BTRC: variants seen among roughly 807,000 people sequenced by gnomAD.
BTRC encodes the protein F-box/WD repeat-containing protein 1A.
A neutral mutation model predicts 85.5 loss-of-function variants in BTRC; 42 were observed. That is an observed-to-expected ratio of 0.49 (90% confidence interval 0.38 to 0.64). BTRC has a LOEUF of 0.64. Ranked by LOEUF, BTRC falls within the 30% of genes least tolerant of loss-of-function variation. The probability of loss-of-function intolerance (pLI) is 0.00; values close to 1 mark genes in which losing one functional copy is unlikely to be tolerated. For synonymous variants in BTRC, 255 were observed against 263.3 expected (o/e 0.97, Z 0.30); for missense variants, 594 against 743.5 (o/e 0.80, Z 2.34).
chr10:101,522,127 A>C (rs890757030), intron 5 of BTRC, among the ~76,000 whole-genome samples: 1 of 127,848 alleles, frequency 7.8e-6, no homozygotes, highest in African/African-American at 3.0e-5. Flanking sequence ...TGCAAGCTCC[A>C]CCTCCCGGCT....
intron 4 of BTRC, among the ~76,000 whole-genome samples, chr10:101,498,655 A>C (rs758361080): frequency 1.3e-5 from 2 of 152,152 alleles, no homozygotes; most frequent in Non-Finnish European, 2.9e-5. Flanking sequence ...GGCACGTCCT[A>C]ATACAGCCTG....
intron 4 of BTRC, among the ~76,000 whole-genome samples, chr10:101,513,882 C>T (rs868240085): frequency 2.0e-5 from 3 of 152,202 alleles, no homozygotes; most frequent in Non-Finnish European, 4.4e-5. Context: ...TACCATTAAA[C>T]GTGACTGCCA....
Position 101,475,942 on chromosome 10 carries a change from TATATATATATA to T in BTRC, c.235-3425_235-3415del, listed in dbSNP as rs1564795635. Among the ~76,000 whole-genome samples the T allele has an allele frequency of 5.4e-5, 7 of 129,818 alleles. 1 individual carries two copies. Among genetic ancestry groups the T allele is most frequent in the African/African-American group, 2.0e-4 (7 of 35,682 alleles). 85.2% of individuals were successfully genotyped at this position (129,818 alleles called of 152,430 possible). On this transcript the variant is annotated intron_variant, in intron 3 of 14. Transcript: ENST00000370187. ...TTTGCCATATATATATATATATATA[TATATATATATA>T]TTCAGTAATTCCTAAGGGGAAAATA...
chr10:101,437,017 A>G (rs568883062), intron 2 of BTRC, among the ~76,000 whole-genome samples: 2 of 152,330 alleles, frequency 1.3e-5, no homozygotes, highest in East Asian at 1.9e-4. Flanking sequence ...AAACAATACC[A>G]TAAGGAAAAT....
intron 1 of BTRC, among the ~76,000 whole-genome samples, chr10:101,361,351 C>A (rs1338757045): frequency 2.0e-5 from 3 of 152,212 alleles, no homozygotes; most frequent in Admixed American, 6.5e-5. Flanking sequence ...TGTGATCCAA[C>A]CGCCTCAGCC....
chr10:101,448,665 T>C (rs1944886886), intron 2 of BTRC, among the ~76,000 whole-genome samples: 1 of 152,110 alleles, frequency 6.6e-6, no homozygotes. Context: ...TTCTAGTTTT[T>C]TCATTTCTGT....
At chr10:101,449,883 T>C (rs1446494685) in intron 2 of BTRC, among the ~76,000 whole-genome samples, 2 of 151,682 alleles carry the variant, frequency 1.3e-5, no homozygotes, top group African/African-American at 4.8e-5. Flanking sequence ...CAACCTACAG[T>C]GGTATAAGAT....
intron 10 of BTRC, 95 bp downstream of exon 10, chr10:101,535,005 A>G (rs1589610691): frequency 7.2e-7 from 1 of 1,387,970 alleles, no homozygotes; most frequent in East Asian, 2.3e-5. Context: ...ACGTTGCTAC[A>G]GAAAAATGTA....
intron 13 of BTRC, among the ~76,000 whole-genome samples, chr10:101,546,419 TA>T (rs2062559121): frequency 6.6e-6 from 1 of 152,192 alleles, no homozygotes; most frequent in South Asian, 2.1e-4. Flanking sequence ...TTTTAATTTT[TA>T]CTTTTCATTT....
intron 1 of BTRC, among the ~76,000 whole-genome samples, chr10:101,371,785 A>T (rs1298129829): frequency 1.3e-5 from 2 of 151,596 alleles, no homozygotes; most frequent in African/African-American, 2.4e-5. Flanking sequence ...TCTGCAATCC[A>T]TCTGGAATTA....
chr10:101,504,452 T>C (rs1201545343), intron 4 of BTRC, among the ~76,000 whole-genome samples: 1 of 151,930 alleles, frequency 6.6e-6, no homozygotes, highest in Non-Finnish European at 1.5e-5. Context: ...CCTCCATCTC[T>C]TCCCCAGCTC....
intron 13 of BTRC, among the ~76,000 whole-genome samples, chr10:101,543,240 A>G (rs1442719090): frequency 6.6e-6 from 1 of 152,130 alleles, no homozygotes; most frequent in Non-Finnish European, 1.5e-5. Flanking sequence ...TGTCTTAGTG[A>G]TTAACTGACT....
chr10:101,524,803 G>T (rs1429740871), intron 5 of BTRC, among the ~76,000 whole-genome samples: 1 of 152,136 alleles, frequency 6.6e-6, no homozygotes, highest in African/African-American at 2.4e-5. Context: ...ATTGGGTAAT[G>T]CATGTCTCCA....
intron 1 of BTRC, among the ~76,000 whole-genome samples, chr10:101,391,615 G>A (rs565825670): frequency 3.9e-4 from 60 of 152,214 alleles, no homozygotes; most frequent in African/African-American, 1.4e-3. Flanking sequence ...ACCTTAATTT[G>A]CTATGTTCTT....
chr10:101,387,693 AT>A (rs953044368), intron 1 of BTRC, among the ~76,000 whole-genome samples: 39 of 137,794 alleles, frequency 2.8e-4, no homozygotes, highest in Middle Eastern at 3.8e-3. Flanking sequence ...CACCCGGCTG[AT>A]TTTTTTTTTT....
intron 3 of BTRC, among the ~76,000 whole-genome samples, chr10:101,470,757 T>G (rs1382850840): frequency 6.6e-6 from 1 of 152,234 alleles, no homozygotes; most frequent in Non-Finnish European, 1.5e-5. Flanking sequence ...TTATACTTAA[T>G]TCTATGATCC....
intron 1 of BTRC, among the ~76,000 whole-genome samples, chr10:101,399,878 T>C (rs1943453737): frequency 6.6e-6 from 1 of 152,188 alleles, no homozygotes; most frequent in Non-Finnish European, 1.5e-5. Context: ...TCACAATTTC[T>C]TGTCATATCT....
intron 2 of BTRC, among the ~76,000 whole-genome samples, chr10:101,447,320 G>A (rs1285851128): frequency 2.0e-5 from 3 of 152,064 alleles, no homozygotes; most frequent in Non-Finnish European, 2.9e-5. Flanking sequence ...GGGAACCACT[G>A]GCATTTAGAA....
intron 1 of BTRC, among the ~76,000 whole-genome samples, chr10:101,374,568 T>G (rs1004060969): frequency 1.5e-5 from 2 of 133,716 alleles, no homozygotes; most frequent in South Asian, 2.5e-4. Context: ...CACTCATAGG[T>G]GGGAATTGAA....
Sources: allele counts gnomAD v4.1 joint callset (sites outside exome capture counted in the v4.1 genomes callset), GRCh38; gene constraint gnomAD v4.1.1; transcripts MANE v1.5; gene names NCBI Gene and HGNC (gene_info 2026-07-23, HGNC 2026-07-21).